HS3ST5: variants seen among roughly 807,000 people sequenced by gnomAD.
HS3ST5 encodes heparan sulfate glucosamine 3-O-sulfotransferase 5.
HS3ST5 carries 10 observed loss-of-function variants against 25.4 expected under a neutral mutation model. That is an observed-to-expected ratio of 0.39 (90% CI 0.24 to 0.67). The LOEUF (loss-of-function observed/expected upper bound fraction) is 0.67, where lower values mean the gene tolerates loss of function less well. Ranked by LOEUF, HS3ST5 falls within the 30% of genes least tolerant of loss-of-function variation. The pLI is 0.44. For synonymous variants in HS3ST5, 170 were observed against 162.4 expected, an observed-to-expected ratio of 1.05 and a Z score of -0.36; for missense variants, 324 against 420.7, an observed-to-expected ratio of 0.77 and a Z score of 2.01.
intron 3 of HS3ST5, among the ~76,000 whole-genome samples, chr6:114,090,230 A>G (rs549761038): frequency 3.3e-5 from 5 of 152,326 alleles, no homozygotes; most frequent in Non-Finnish European, 5.9e-5. Flanking sequence ...TGCACCTTAC[A>G]CATTCTCCGT....
At chr6:114,192,248 G>A (rs1227061186) in intron 2 of HS3ST5, among the ~76,000 whole-genome samples, 1 of 152,138 alleles carries the variant, frequency 6.6e-6, no homozygotes, top group African/African-American at 2.4e-5. Flanking sequence ...TTTAATGTAT[G>A]CATATAGATT....
chr6:114,083,917 T>G (rs2114771728), intron 3 of HS3ST5, among the ~76,000 whole-genome samples: 1 of 152,300 alleles, frequency 6.6e-6, no homozygotes, highest in South Asian at 2.1e-4. Context: ...AGTTTGTTTC[T>G]TAGGATTGAT....
chr6:114,064,878 G>T (rs545817964), intron 3 of HS3ST5, among the ~76,000 whole-genome samples: 1 of 152,290 alleles, frequency 6.6e-6, no homozygotes. Context: ...AGGCATGAGC[G>T]AGCAGAGGAA....
intron 2 of HS3ST5, among the ~76,000 whole-genome samples, chr6:114,197,011 G>A (rs1055605539): frequency 6.6e-6 from 1 of 152,128 alleles, no homozygotes; most frequent in African/African-American, 2.4e-5. Context: ...TTAGCTTCAG[G>A]ATGGAGACAG....
chr6:114,309,001 C>T (rs756548587), intron 1 of HS3ST5, among the ~76,000 whole-genome samples: 29 of 152,052 alleles, frequency 1.9e-4, no homozygotes, highest in African/African-American at 3.9e-4. Flanking sequence ...GAACTGATCC[C>T]GTAAGTCATT....
intron 1 of HS3ST5, among the ~76,000 whole-genome samples, chr6:114,254,385 G>A (rs936442618): frequency 6.6e-6 from 1 of 152,182 alleles, no homozygotes; most frequent in Non-Finnish European, 1.5e-5. Flanking sequence ...TTGTGGATTG[G>A]GATTCATACC....
intron 3 of HS3ST5, among the ~76,000 whole-genome samples, chr6:114,167,028 C>T (rs1276292946): frequency 6.6e-6 from 1 of 152,150 alleles, no homozygotes; most frequent in African/African-American, 2.4e-5. Flanking sequence ...CTTTGTCACC[C>T]ACACTGAAGT....
chr6:114,150,741 C>G (rs1339754444), intron 3 of HS3ST5, among the ~76,000 whole-genome samples: 1 of 152,114 alleles, frequency 6.6e-6, no homozygotes, highest in Non-Finnish European at 1.5e-5. Flanking sequence ...ATGTATTCAG[C>G]AATTATAATA....
chr6:114,182,515 A>C (rs190746357), intron 2 of HS3ST5, among the ~76,000 whole-genome samples: 1 of 152,282 alleles, frequency 6.6e-6, no homozygotes, highest in African/African-American at 2.4e-5. Context: ...CTGGAGGCTA[A>C]GTTTTCCTGT....
chr6:114,313,122 T>A (rs1464683119), intron 1 of HS3ST5, among the ~76,000 whole-genome samples: 1 of 130,410 alleles, frequency 7.7e-6, no homozygotes, highest in Non-Finnish European at 1.6e-5. Context: ...ATCAGAGAAA[T>A]GAAACTTAAA....
chr6:114,084,710 G>C (rs1317779790), intron 3 of HS3ST5: 49 of 1,242,040 alleles, frequency 3.9e-5, no homozygotes. Flanking sequence ...CTGGAAGGCT[G>C]CCTGGATTTG....
chr6:114,178,177 C>T (rs759781737), intron 2 of HS3ST5, among the ~76,000 whole-genome samples: 1 of 152,102 alleles, frequency 6.6e-6, no homozygotes, highest in African/African-American at 2.4e-5. Context: ...AAGGTTACCC[C>T]AAAATAATAC....
At position 114,057,317 on chromosome 6, in the gene HS3ST5, G is replaced by A. The variant is rs772407488; in HGVS notation, c.981C>T (p.Phe327=). 4 of 1,613,990 alleles carry A rather than the reference G, an allele frequency of 2.5e-6. No individual in the cohort carries two copies. Among genetic ancestry groups the A allele is most frequent in the Non-Finnish European group, 3.4e-6 (4 of 1,179,978 alleles). The part of the protein sequence containing the change: ...DPSVITKLRK[F]FHPFNQKFYQ... ...AAAATTTTTGATTAAAAGGATGAAA[G>A]AATTTGCGCAATTTAGTAATGACAG... Residue 327 remains phenylalanine (F), a synonymous_variant, in exon 5 of 5, where the codon TTC becomes TTT. Coordinates refer to ENST00000312719, the MANE Select transcript of HS3ST5 (RefSeq NM_153612.4).
intron 1 of HS3ST5, among the ~76,000 whole-genome samples, chr6:114,295,295 A>T (rs1281370494): frequency 6.6e-6 from 1 of 152,210 alleles, no homozygotes; most frequent in Non-Finnish European, 1.5e-5. Context: ...TTTGTCTATG[A>T]AGTAATAATA....
intron 1 of HS3ST5, among the ~76,000 whole-genome samples, chr6:114,232,643 A>G (rs1317831771): frequency 6.6e-6 from 1 of 152,216 alleles, no homozygotes; most frequent in Non-Finnish European, 1.5e-5. Flanking sequence ...CCCATCAGTC[A>G]TCAGTTGAAT....
chr6:114,238,431 A>C (rs1208431120), intron 1 of HS3ST5, among the ~76,000 whole-genome samples: 1 of 152,222 alleles, frequency 6.6e-6, no homozygotes, highest in East Asian at 1.9e-4. Context: ...AGTATGTGAT[A>C]AGTTAAAAAG....
chr6:114,120,357 A>G (rs1055893406), intron 3 of HS3ST5, among the ~76,000 whole-genome samples: 5 of 152,234 alleles, frequency 3.3e-5, no homozygotes, highest in African/African-American at 9.6e-5. Context: ...ATTTAGCCCT[A>G]CATTTATACA....
chr6:114,274,720 G>A (rs1773775490), intron 1 of HS3ST5, among the ~76,000 whole-genome samples: 1 of 152,026 alleles, frequency 6.6e-6, no homozygotes, highest in Non-Finnish European at 1.5e-5. Context: ...ACATGAGAAA[G>A]CTTGAAGACT....
chr6:114,191,722 C>A (rs1409553872), intron 2 of HS3ST5, among the ~76,000 whole-genome samples: 1 of 152,138 alleles, frequency 6.6e-6, no homozygotes, highest in African/African-American at 2.4e-5. Context: ...GTGGAGGGAA[C>A]TATTTTCTGA....
Sources: gnomAD v4.1 joint callset for allele counts (sites outside exome capture counted in the v4.1 genomes callset) on GRCh38, gnomAD v4.1.1 for gene constraint, MANE v1.5 for transcripts, NCBI Gene and HGNC (gene_info 2026-07-23, HGNC 2026-07-21) for gene names.